ANK3: variants seen among roughly 807,000 people sequenced by gnomAD.
ANK3 encodes the protein ankyrin 3.
In ANK3, 57 loss-of-function variants were observed where a neutral mutation model predicts 370.9. The ratio of observed to expected loss-of-function variants is 0.15; its 90% confidence interval spans 0.12 to 0.19. ANK3 has a LOEUF of 0.19. Ranked by LOEUF, ANK3 falls within the 10% of genes least tolerant of loss-of-function variation. The probability of loss-of-function intolerance (pLI) is 1.00; values close to 1 mark genes in which losing one functional copy is unlikely to be tolerated. For missense variants in ANK3, 4,439 were observed against 5,302.1 expected, an observed-to-expected ratio of 0.84 and a Z score of 5.06; for synonymous variants, 1,929 against 1,946.3, an observed-to-expected ratio of 0.99 and a Z score of 0.23.
rs1594108606 is a variant in ANK3 at position 60,340,132 on chromosome 10, T to G, written c.114+49293A>C. On this transcript the variant is annotated intron_variant, in intron 1 of 43. Transcript: ENST00000280772. ...CAGAATCTTGTTCTGTTGCCCAGGCTAGGGTGCTCTGTTGCCTAGGCAGAA... is the reference window on the plus strand; with the variant it reads ...CAGAATCTTGTTCTGTTGCCCAGGCGAGGGTGCTCTGTTGCCTAGGCAGAA... 2.0e-5 allele frequency among the ~76,000 whole-genome samples: 3 copies of G among 152,310 alleles called. No individual in the cohort carries two copies. The Middle Eastern group carries it at 0.01, about 518-fold the overall frequency.
At chr10:60,383,156 T>G (rs565763922) in intron 1 of ANK3, among the ~76,000 whole-genome samples, 50 of 152,176 alleles carry the variant, frequency 3.3e-4, no homozygotes, top group African/African-American at 1.2e-3. Context: ...TGAGGCAAGT[T>G]GCATAAACAA....
At chr10:60,694,093 G>C (rs2079403458) in intron 1 of ANK3, among the ~76,000 whole-genome samples, 1 of 152,160 alleles carries the variant, frequency 6.6e-6, no homozygotes, top group East Asian at 1.9e-4. Context: ...CGAGAACTAT[G>C]TGAAGAATGC....
rs531978922 is a variant in ANK3, at chr10:60,644,659, C to A, written c.58-29435G>T. Among the ~76,000 whole-genome samples the A allele has an allele frequency of 2.1e-4, 32 of 152,078 alleles. No homozygotes were observed. In the East Asian group the frequency reaches 5.0e-3, roughly 24 times the overall value. On this transcript the variant is annotated intron_variant, in intron 1 of 43. Transcript: ENST00000373827. ...TTCTTGGCAAATAATTCTCCTCCAG[C>A]CACACACTGATCCTCTTCAACCTCC...
chr10:60,365,155 A>G lies in ANK3; in HGVS notation c.114+24270T>C, dbSNP rs1329451345. 2.5e-5 allele frequency among the ~76,000 whole-genome samples: 3 copies of G among 118,872 alleles called. No homozygotes were observed. In the East Asian group the frequency reaches 6.8e-4, roughly 27 times the overall value. The allele number at this position is 118,872 out of a possible 152,430, so 78.0% of individuals were successfully genotyped here. A position where few individuals can be genotyped will look rare whatever the true frequency, so the allele number is the denominator to read the frequency against. ...GAAAATGAGATGAGGGAAATGAAAA[A>G]CTTCTTATATTAGCAAGATATTCTT... On this transcript the variant is annotated intron_variant, in intron 1 of 43. Coordinates refer to ENST00000280772, the MANE Select transcript of ANK3 (RefSeq NM_020987.5).
intron 28 of ANK3, among the ~76,000 whole-genome samples, chr10:60,089,910 GATTT>G (rs1387367457): frequency 2.0e-5 from 3 of 151,900 alleles, no homozygotes; most frequent in South Asian, 2.1e-4. Context: ...AGAGAAAGAT[GATTT>G]ATTTAAAAGA....
intron 2 of ANK3, among the ~76,000 whole-genome samples, chr10:60,591,588 A>G (rs986460103): frequency 6.6e-6 from 1 of 152,176 alleles, no homozygotes; most frequent in African/African-American, 2.4e-5. Flanking sequence ...TACCCAAAAG[A>G]AAGGCAATCA....
At position 60,300,368 on chromosome 10, in the gene ANK3, G is replaced by A. The variant is rs1245985376; in HGVS notation, c.115-20729C>T. Reference sequence around the variant, plus strand: ...TTCCACTGCCATTCTCTGTGGCCAAGTAAGAAACCTGATAACTCAATTAGT... The same window carrying A: ...TTCCACTGCCATTCTCTGTGGCCAAATAAGAAACCTGATAACTCAATTAGT... On this transcript the variant is annotated intron_variant, in intron 1 of 43. Transcript: ENST00000280772. The A allele has an allele frequency of 2.3e-6, 3 of 1,289,722 alleles. No homozygotes were observed. In the South Asian group the frequency reaches 3.7e-5, roughly 16 times the overall value. 79.9% of individuals were successfully genotyped at this position (1,289,722 alleles called of 1,614,324 possible).
chr10:60,283,227 G>A (rs940108257), intron 1 of ANK3, among the ~76,000 whole-genome samples: 8 of 151,968 alleles, frequency 5.3e-5, no homozygotes, highest in South Asian at 2.1e-4. Context: ...TATATCCTTC[G>A]TGTAAAAAAC....
chr10:60,182,737 A>G (rs971400301), intron 17 of ANK3, among the ~76,000 whole-genome samples: 3 of 152,228 alleles, frequency 2.0e-5, no homozygotes, highest in Non-Finnish European at 4.4e-5. Flanking sequence ...TGGAATGCAG[A>G]GAGAGTCAAG....
intron 23 of ANK3, among the ~76,000 whole-genome samples, chr10:60,153,507 G>A (rs1054426206): frequency 1.3e-5 from 2 of 152,192 alleles, no homozygotes; most frequent in East Asian, 1.9e-4. Flanking sequence ...TGCCTTGGGC[G>A]ATGGAGCCAT....
chr10:60,240,048 C>CACATATATACACATATATATACAT (rs1555184806), intron 7 of ANK3, among the ~76,000 whole-genome samples: 33 of 143,360 alleles, frequency 2.3e-4, no homozygotes, highest in African/African-American at 8.5e-4. Context: ...CATATATATA[C>CACATATATACACATATATATACAT]ATATATACAC....
Position 60,288,889 on chromosome 10 carries a change from AACACACACACACACACAC to A in ANK3, c.115-9268_115-9251del, listed in dbSNP as rs35560146. 1.2e-4 allele frequency among the ~76,000 whole-genome samples: 17 copies of A among 139,326 alleles called. No homozygotes were observed. The East Asian group carries it at 3.7e-3, about 30-fold the overall frequency. The allele number at this position is 139,326 out of a possible 152,430, so 91.4% of individuals were successfully genotyped here. Reference sequence around the variant, plus strand: ...CCTCAAGGATCTCCCAGGTAGGAATAACACACACACACACACACACACACACACACACACACACGTCAC... The same window carrying A: ...CCTCAAGGATCTCCCAGGTAGGAATAACACACACACACACACACACGTCAC... On this transcript the variant is annotated intron_variant, in intron 1 of 43. Coordinates refer to ENST00000280772, the MANE Select transcript of ANK3 (RefSeq NM_020987.5).
Position 60,213,490 on chromosome 10 carries a change from G to A in ANK3, c.918C>T (p.His306=). The change falls in exon 9 of 44, where the codon CAC becomes CAT. Residue 306 remains histidine, a synonymous_variant. Transcript: ENST00000280772. The part of the protein sequence containing the change: ...AKTRDGLTPL[H]CGARSGHEQV... ...GCTCGTGGCCACTCCTTGCTCCACAGTGCAGTGGTGTCAGACCATCCTGTT... is the reference window on the plus strand; with the variant it reads ...GCTCGTGGCCACTCCTTGCTCCACAATGCAGTGGTGTCAGACCATCCTGTT... 6.2e-7 allele frequency: 1 copy of A among 1,609,186 alleles called. No homozygotes were observed.
chr10:60,064,039 T>TAA, intron 39 of ANK3, 118 bp downstream of exon 39: 1 of 976,212 alleles, frequency 1.0e-6, no homozygotes, highest in Non-Finnish European at 1.4e-6. Flanking sequence ...TCACTTAGTT[T>TAA]TCTATATTAA....
intron 1 of ANK3, among the ~76,000 whole-genome samples, chr10:60,653,182 G>C (rs2078815222): frequency 1.3e-5 from 2 of 152,158 alleles, no homozygotes; most frequent in South Asian, 4.2e-4. Flanking sequence ...ATTCTCTCTT[G>C]TAGTCATGCT....
intron 38 of ANK3, among the ~76,000 whole-genome samples, chr10:60,065,254 T>C (rs955332297): frequency 3.9e-5 from 6 of 152,212 alleles, no homozygotes; most frequent in Non-Finnish European, 8.8e-5. Context: ...AAGATACATA[T>C]GATCTCACTA....
At chr10:60,268,949 CTTAA>C (rs1392225212) in intron 5 of ANK3, among the ~76,000 whole-genome samples, 1 of 152,116 alleles carries the variant, frequency 6.6e-6, no homozygotes, top group African/African-American at 2.4e-5. Context: ...TGAGCTATCT[CTTAA>C]TTTATTTAGT....
At chr10:60,126,486 G>A (rs1048915887) in intron 25 of ANK3, among the ~76,000 whole-genome samples, 1 of 152,104 alleles carries the variant, frequency 6.6e-6, no homozygotes, top group Non-Finnish European at 1.5e-5. Context: ...AGGAGTTTGA[G>A]ACCAACCTGG....
chr10:60,669,981 C>A (rs1457596832), intron 1 of ANK3, among the ~76,000 whole-genome samples: 1 of 152,076 alleles, frequency 6.6e-6, no homozygotes, highest in Non-Finnish European at 1.5e-5. Flanking sequence ...AGGCACCATG[C>A]CCAGCTACTT....
Sources: gnomAD v4.1 joint callset for allele counts (sites outside exome capture counted in the v4.1 genomes callset) on GRCh38, gnomAD v4.1.1 for gene constraint, MANE v1.5 for transcripts, NCBI Gene and HGNC (gene_info 2026-07-23, HGNC 2026-07-21) for gene names.